ZBTB46: variants seen among roughly 807,000 people sequenced by gnomAD.
ZBTB46 encodes zinc finger and BTB domain containing 46, also known as zinc finger and BTB domain-containing protein 46.
A neutral mutation model predicts 44.1 loss-of-function variants in ZBTB46; 8 were observed. That is an observed-to-expected ratio of 0.18 (90% CI 0.11 to 0.33). The LOEUF is 0.33. Ranked by LOEUF, ZBTB46 falls within the 10% of genes least tolerant of loss-of-function variation. The probability of loss-of-function intolerance (pLI) is 1.00; values close to 1 mark genes in which losing one functional copy is unlikely to be tolerated. For missense variants in ZBTB46, 651 were observed against 847.7 expected (o/e 0.77, Z 2.88); for synonymous variants, 409 against 382.3 (o/e 1.07, Z -0.81).
intron 1 of ZBTB46, among the ~76,000 whole-genome samples, chr20:63,805,259 C>G (rs567898246): frequency 7.9e-5 from 12 of 152,242 alleles, no homozygotes; most frequent in African/African-American, 2.9e-4. Flanking sequence ...TACTGATTTA[C>G]AGTATTTCAA....
At chr20:63,814,607 C>T (rs1056921310) in intron 1 of ZBTB46, among the ~76,000 whole-genome samples, 15 of 152,140 alleles carry the variant, frequency 9.9e-5, no homozygotes, top group Non-Finnish European at 1.8e-4. Flanking sequence ...CAAGGGTCCT[C>T]ATTTGGGGTT....
chr20:63,791,626 G>A (rs1020014445), intron 1 of ZBTB46, among the ~76,000 whole-genome samples: 1 of 152,186 alleles, frequency 6.6e-6, no homozygotes, highest in South Asian at 2.1e-4. Flanking sequence ...TCTGGAGGAG[G>A]GAGGCTTCCT....
intron 3 of ZBTB46, among the ~76,000 whole-genome samples, chr20:63,764,624 C>T (rs545265092): frequency 1.6e-4 from 23 of 147,584 alleles, no homozygotes; most frequent in Admixed American, 2.7e-4. Context: ...TTTTTTGAGA[C>T]GGAGTTTCGC....
intron 1 of ZBTB46, among the ~76,000 whole-genome samples, chr20:63,797,524 G>A (rs901729356): frequency 6.6e-6 from 1 of 152,152 alleles, no homozygotes; most frequent in African/African-American, 2.4e-5. Flanking sequence ...ACCCAGTAAT[G>A]GGATGGCTGG....
chr20:63,827,628 CAAAA>C (rs1176700985), intron 1 of ZBTB46, among the ~76,000 whole-genome samples: 5 of 129,868 alleles, frequency 3.9e-5, no homozygotes, highest in Non-Finnish European at 8.2e-5. Context: ...AAAAAAAAAA[CAAAA>C]AAAAAAAACC....
intron 3 of ZBTB46, among the ~76,000 whole-genome samples, chr20:63,764,462 T>C (rs926873102): frequency 3.9e-5 from 6 of 152,036 alleles, no homozygotes; most frequent in Admixed American, 3.3e-4. Context: ...GTGATGAATA[T>C]TTTTGTTGGG....
chr20:63,758,907 A>G, intron 3 of ZBTB46, among the ~76,000 whole-genome samples: 1 of 39,792 alleles, frequency 2.5e-5, no homozygotes, highest in Non-Finnish European at 4.4e-5. Flanking sequence ...AATTTTTTTG[A>G]ATTTTTAATA....
At chr20:63,795,857 G>A (rs181040187) in intron 1 of ZBTB46, among the ~76,000 whole-genome samples, 85 of 152,348 alleles carry the variant, frequency 5.6e-4, no homozygotes, top group Non-Finnish European at 9.7e-4. Flanking sequence ...CCAGCCTCTA[G>A]GGCCATCTTG....
At chr20:63,766,889 C>T (rs541471688) in intron 3 of ZBTB46, among the ~76,000 whole-genome samples, 89 of 152,308 alleles carry the variant, frequency 5.8e-4, no homozygotes, top group African/African-American at 2.1e-3. Flanking sequence ...TGGGAGCGGG[C>T]TCCCCCGACA....
intron 1 of ZBTB46, among the ~76,000 whole-genome samples, chr20:63,828,904 G>A (rs1031911652): frequency 1.1e-4 from 17 of 152,352 alleles, no homozygotes; most frequent in African/African-American, 4.1e-4. Context: ...CAGAGCACTG[G>A]AGCTGCACCG....
intron 1 of ZBTB46, among the ~76,000 whole-genome samples, chr20:63,819,357 C>G (rs1476618593): frequency 6.6e-6 from 1 of 152,238 alleles, no homozygotes; most frequent in Non-Finnish European, 1.5e-5. Context: ...AGGAGCGCAT[C>G]CCGAAGAAGA....
At chr20:63,765,466 G>T (rs2092313712) in intron 3 of ZBTB46, among the ~76,000 whole-genome samples, 1 of 152,188 alleles carries the variant, frequency 6.6e-6, no homozygotes, top group Admixed American at 6.5e-5. Context: ...GTCTCACTCT[G>T]TGGCCCAGCT....
intron 3 of ZBTB46, chr20:63,769,146 G>A (rs2092345755): frequency 1.0e-6 from 1 of 978,646 alleles, no homozygotes; most frequent in Non-Finnish European, 1.2e-6. Flanking sequence ...GAGGTGCCCG[G>A]GCTCATCTGG....
chr20:63,796,462 T>C (rs995420971), intron 1 of ZBTB46, among the ~76,000 whole-genome samples: 1 of 152,258 alleles, frequency 6.6e-6, no homozygotes, highest in Non-Finnish European at 1.5e-5. Flanking sequence ...CATTCACACT[T>C]GATCTCTCTG....
chr20:63,782,756 C>T (rs1467660117), intron 2 of ZBTB46, among the ~76,000 whole-genome samples: 1 of 152,110 alleles, frequency 6.6e-6, no homozygotes, highest in East Asian at 1.9e-4. Context: ...CCCTCCCACA[C>T]CAGGACAAGG....
intron 1 of ZBTB46, among the ~76,000 whole-genome samples, chr20:63,806,422 AAG>A: frequency 9.6e-6 from 1 of 104,114 alleles, no homozygotes. Context: ...AAAAAAAAAA[AAG>A]AAAGAAAAGA....
At chr20:63,793,405 G>C (rs1359321046) in intron 1 of ZBTB46, among the ~76,000 whole-genome samples, 2 of 152,178 alleles carry the variant, frequency 1.3e-5, no homozygotes, top group Non-Finnish European at 1.5e-5. Flanking sequence ...CATCGGGGAA[G>C]TGACCAAAAC....
chr20:63,789,702 T>A, intron 2 of ZBTB46, 119 bp downstream of exon 2: 4 of 1,478,038 alleles, frequency 2.7e-6, no homozygotes, highest in Non-Finnish European at 3.6e-6. Flanking sequence ...TAAGAGGAAG[T>A]GACCCTAGAA....
chr20:63,775,927 C>A lies in ZBTB46; in HGVS notation c.973G>T (p.Asp325Tyr). The A allele has an allele frequency of 6.3e-7, 1 of 1,589,862 alleles. No individual in the cohort carries two copies. The highest frequency in any genetic ancestry group is 1.1e-5 in the South Asian group (1 of 89,344). ...DLSVTEASSS[D>Y]SRGERAELYA... ...AGCTCGGCCCTCTCTCCTCGGCTGT[C>A]GGAGCTGCTGGCTTCGGTGACGGAC... Residue 325 changes from aspartate to tyrosine, a missense_variant, in exon 3 of 5, where the codon GAC (aspartate) becomes TAC (tyrosine). Asp to Tyr is a radical substitution (Grantham distance 160). Transcript: ENST00000245663.
Sources: allele counts gnomAD v4.1 joint callset (sites outside exome capture counted in the v4.1 genomes callset), GRCh38; gene constraint gnomAD v4.1.1; transcripts MANE v1.5; gene names NCBI Gene and HGNC (gene_info 2026-07-23, HGNC 2026-07-21).